Variants in MAP4K3 observed in about 807,000 individuals in gnomAD.
MAP4K3 encodes MAPK/ERK kinase kinase kinase 3.
Under a neutral mutation model 143.5 loss-of-function variants are expected in MAP4K3, and 94 were observed. The ratio of observed to expected loss-of-function variants is 0.65; its 90% CI spans 0.55 to 0.78. The LOEUF is 0.78. MAP4K3 is among the 30% of genes least tolerant of loss of function. MAP4K3 has a pLI of 0.00. For missense variants in MAP4K3, 1,077 were observed against 1,068.1 expected (o/e 1.01, Z -0.12); for synonymous variants, 416 against 347.2 (o/e 1.20, Z -2.20).
intron 1 of MAP4K3, among the ~76,000 whole-genome samples, chr2:39,418,072 G>A (rs529026818): frequency 6.6e-6 from 1 of 152,036 alleles, no homozygotes; most frequent in East Asian, 1.9e-4. Flanking sequence ...ATGTGGTGGC[G>A]CGTGCCTGTA....
chr2:39,268,265 C>A (rs967318894), intron 26 of MAP4K3, among the ~76,000 whole-genome samples: 4 of 152,086 alleles, frequency 2.6e-5, no homozygotes, highest in African/African-American at 9.7e-5. Flanking sequence ...GTTGTTGGTG[C>A]ATCAAATTGT....
chr2:39,286,520 T>A (rs766573553), intron 21 of MAP4K3, among the ~76,000 whole-genome samples: 3 of 152,212 alleles, frequency 2.0e-5, no homozygotes, highest in Non-Finnish European at 4.4e-5. Flanking sequence ...GAATCAATTA[T>A]CCTCAATGAG....
intron 2 of MAP4K3, among the ~76,000 whole-genome samples, chr2:39,367,007 A>C (rs1665941587): frequency 6.6e-6 from 1 of 152,248 alleles, no homozygotes. Context: ...AAATGAAAAA[A>C]TGATTAAAAC....
chr2:39,296,008 G>A (rs1362440998), intron 16 of MAP4K3, among the ~76,000 whole-genome samples: 1 of 152,066 alleles, frequency 6.6e-6, no homozygotes. Context: ...TAAGCCGTGA[G>A]CCATCACACC....
chr2:39,258,121 G>A (rs1309924585), intron 31 of MAP4K3, among the ~76,000 whole-genome samples: 2 of 152,004 alleles, frequency 1.3e-5, no homozygotes, highest in Admixed American at 6.5e-5. Context: ...TAGTAGACAC[G>A]GGGTTTCACC....
intron 6 of MAP4K3, among the ~76,000 whole-genome samples, chr2:39,333,881 TCAC>T (rs754631452): frequency 3.9e-5 from 6 of 152,040 alleles, no homozygotes; most frequent in Non-Finnish European, 7.4e-5. Context: ...TCAAACACTA[TCAC>T]CACACTATAA....
intron 1 of MAP4K3, among the ~76,000 whole-genome samples, chr2:39,408,155 T>C (rs904015733): frequency 6.6e-6 from 1 of 152,208 alleles, no homozygotes; most frequent in African/African-American, 2.4e-5. Context: ...AAAAACCATC[T>C]AGATAACAAA....
chr2:39,399,132 A>G (rs918940475), intron 1 of MAP4K3, among the ~76,000 whole-genome samples: 1 of 152,168 alleles, frequency 6.6e-6, no homozygotes, highest in African/African-American at 2.4e-5. Context: ...GAAATTCCCA[A>G]TCTATCAATT....
intron 26 of MAP4K3, 77 bp from the exon 27 acceptor site, chr2:39,267,324 T>C (rs1022137071): frequency 1.8e-6 from 2 of 1,142,770 alleles, no homozygotes; most frequent in East Asian, 2.4e-5. Context: ...TATAGATCAG[T>C]GCACAAAGGA....
intron 2 of MAP4K3, among the ~76,000 whole-genome samples, chr2:39,365,433 T>A (rs977842321): frequency 5.7e-5 from 8 of 139,608 alleles, no homozygotes; most frequent in South Asian, 2.5e-4. Context: ...CATAGTAATT[T>A]TTTTTTTTTT....
At chr2:39,394,402 T>C (rs17023819) in intron 1 of MAP4K3, among the ~76,000 whole-genome samples, 2,937 of 152,292 alleles carry the variant, frequency 0.019, 99 homozygotes, top group African/African-American at 0.068. Flanking sequence ...GAGAAATGGT[T>C]AAAAATTCTA....
intron 1 of MAP4K3, among the ~76,000 whole-genome samples, chr2:39,430,550 A>G (rs1665252555): frequency 6.6e-6 from 1 of 152,146 alleles, no homozygotes; most frequent in Non-Finnish European, 1.5e-5. Flanking sequence ...AAGAAACATG[A>G]TTTCATCTCT....
At chr2:39,371,098 A>G (rs1666068848) in intron 2 of MAP4K3, among the ~76,000 whole-genome samples, 1 of 152,220 alleles carries the variant, frequency 6.6e-6, no homozygotes, top group African/African-American at 2.4e-5. Context: ...CAAACCCGTC[A>G]TCTGACAAAT....
intron 18 of MAP4K3, among the ~76,000 whole-genome samples, chr2:39,291,064 CA>C (rs1168794965): frequency 4.6e-5 from 7 of 151,760 alleles, no homozygotes; most frequent in Admixed American, 6.6e-5. Context: ...GACTCTGTCT[CA>C]AAAAACAAAA....
chr2:39,407,911 A>G (rs1265530922), intron 1 of MAP4K3, among the ~76,000 whole-genome samples: 1 of 151,920 alleles, frequency 6.6e-6, no homozygotes, highest in Non-Finnish European at 1.5e-5. Flanking sequence ...AAAGTGCCCT[A>G]TTTTGGGAAA....
At chr2:39,287,642 CAG>C (rs1359824255) in intron 20 of MAP4K3, among the ~76,000 whole-genome samples, 1 of 152,130 alleles carries the variant, frequency 6.6e-6, no homozygotes, top group Non-Finnish European at 1.5e-5. Flanking sequence ...TGGATAAACA[CAG>C]AGGAGTCTTT....
intron 6 of MAP4K3, among the ~76,000 whole-genome samples, chr2:39,334,795 G>C (rs536573903): frequency 4.6e-5 from 7 of 152,150 alleles, no homozygotes; most frequent in African/African-American, 1.7e-4. Context: ...CAATTCCCAT[G>C]GAGTTTACAT....
chr2:39,427,855 A>G (rs1193500244), intron 1 of MAP4K3, among the ~76,000 whole-genome samples: 2 of 152,234 alleles, frequency 1.3e-5, no homozygotes, highest in African/African-American at 4.8e-5. Context: ...TGTATCTTAT[A>G]TATGTGAAAC....
At chr2:39,327,522 G>A (rs1292871103) in intron 8 of MAP4K3, among the ~76,000 whole-genome samples, 1 of 151,934 alleles carries the variant, frequency 6.6e-6, no homozygotes, top group Non-Finnish European at 1.5e-5. Flanking sequence ...GCAACTAATT[G>A]AAATAAACAT....
Sources: allele counts gnomAD v4.1 joint callset (sites outside exome capture counted in the v4.1 genomes callset), GRCh38; gene constraint gnomAD v4.1.1; transcripts MANE v1.5; gene names NCBI Gene and HGNC (gene_info 2026-07-23, HGNC 2026-07-21).